PRKCE: variants seen among roughly 807,000 people sequenced by gnomAD.
PRKCE encodes protein kinase C epsilon type.
Under a neutral mutation model 85.4 loss-of-function variants are expected in PRKCE, and 16 were observed. The observed-to-expected ratio is 0.19, with a 90% CI of 0.13 to 0.28. The LOEUF (loss-of-function observed/expected upper bound fraction) is 0.28, where lower values mean the gene tolerates loss of function less well. Among genes scored for constraint, PRKCE ranks in the 10% least tolerant of loss-of-function variants. The pLI, the probability that PRKCE is intolerant of heterozygous loss-of-function variation, is 1.00. For missense variants in PRKCE, 573 were observed against 975.2 expected (o/e 0.59, Z 5.49); for synonymous variants, 388 against 371.5 (o/e 1.04, Z -0.51).
intron 10 of PRKCE, among the ~76,000 whole-genome samples, chr2:46,058,127 C>T (rs1666768681): frequency 1.3e-5 from 2 of 152,358 alleles, no homozygotes; most frequent in South Asian, 4.1e-4. Flanking sequence ...ACCTCAGGGA[C>T]CATCTAGTTC....
intron 1 of PRKCE, among the ~76,000 whole-genome samples, chr2:45,714,032 A>G (rs137882397): frequency 6.6e-6 from 1 of 152,356 alleles, no homozygotes; most frequent in Non-Finnish European, 1.5e-5. Flanking sequence ...AATTTGAGCA[A>G]TACATTTACT....
rs370644300 is a variant in PRKCE at position 46,172,238 on chromosome 2, C to G, written c.2067+12486C>G. ...CAGAAGCGCCAGGCCCTCTTTCCCC[C>G]CAGGCACTGCCAGCCTCTTGCGGGA... On this transcript the variant is annotated intron_variant, in intron 14 of 14. Transcript: ENST00000306156. Among the ~76,000 whole-genome samples, 3 of 152,354 alleles carry G rather than the reference C, an allele frequency of 2.0e-5. No homozygotes were observed. In the South Asian group the frequency reaches 6.2e-4, roughly 32 times the overall value.
chr2:45,792,107 C>T lies in PRKCE; in HGVS notation c.349-50893C>T, dbSNP rs186547080. ...GATGGCAAGCTCCAGAAGCCTGGTG[C>T]TGGCATCTGCTTGGCATCTGGTGAG... is the stretch of plus-strand genomic sequence containing the variant. On this transcript the variant is annotated intron_variant, in intron 1 of 14. Transcript: ENST00000306156. Among the ~76,000 whole-genome samples the T allele has an allele frequency of 4.6e-4, 70 of 152,314 alleles. 1 individual carries two copies. In the South Asian group the frequency reaches 6.8e-3, roughly 15 times the overall value.
At position 45,985,313 on chromosome 2, in the gene PRKCE, C is replaced by T. The variant is rs549319496; in HGVS notation, c.823+633C>T. Among the ~76,000 whole-genome samples, 3 of 152,252 alleles carry T rather than the reference C, an allele frequency of 2.0e-5. No homozygotes were observed. The East Asian group carries it at 5.8e-4, about 29-fold the overall frequency. ...TTCCTGCCGTGCCACCCGCAAACAG[C>T]GCACTCAGATGATGATGCTAAGTGG... On this transcript the variant is annotated intron_variant, in intron 6 of 14. Transcript: ENST00000306156.
intron 1 of PRKCE, among the ~76,000 whole-genome samples, chr2:45,815,820 T>A (rs563394125): frequency 2.0e-5 from 3 of 152,328 alleles, no homozygotes; most frequent in East Asian, 3.9e-4. Flanking sequence ...AGATTCTAGT[T>A]CTGCCTCAGC....
rs559664103 is a variant in PRKCE at position 45,909,644 on chromosome 2, T to C, written c.412+66581T>C. On this transcript the variant is annotated intron_variant, in intron 2 of 14. Transcript: ENST00000306156. ...AGCTAGCAAGTGTGTTCTAAATTATTCTTCCTCATCCCCTACCCCCATTCT... is the reference window on the plus strand; with the variant it reads ...AGCTAGCAAGTGTGTTCTAAATTATCCTTCCTCATCCCCTACCCCCATTCT... 5.3e-5 allele frequency among the ~76,000 whole-genome samples: 8 copies of C among 152,360 alleles called. No individual in the cohort carries two copies. In the South Asian group the frequency reaches 1.4e-3, roughly 28 times the overall value.
chr2:45,756,023 C>T (rs1301951739), intron 1 of PRKCE, among the ~76,000 whole-genome samples: 1 of 152,168 alleles, frequency 6.6e-6, no homozygotes, highest in African/African-American at 2.4e-5. Context: ...GCAGCTAATT[C>T]GCTGGGAACC....
In PRKCE at chr2:45,655,261, A is replaced by G. The variant is rs542362885; in HGVS notation, c.348+2813A>G. 1.2e-4 allele frequency among the ~76,000 whole-genome samples: 18 copies of G among 152,258 alleles called. No individual in the cohort carries two copies. In the South Asian group the frequency reaches 3.7e-3, roughly 32 times the overall value. On this transcript the variant is annotated intron_variant, in intron 1 of 14. Coordinates refer to ENST00000306156, the MANE Select transcript of PRKCE (RefSeq NM_005400.3). ...CATATACATCAAGCTTGTCTAACCC[A>G]TGGCCTGTTAGCCACATGTGGCCCG...
chr2:45,980,632 C>G (rs6705389), intron 5 of PRKCE, among the ~76,000 whole-genome samples: 3,966 of 152,276 alleles, frequency 0.026, 63 homozygotes, highest in Middle Eastern at 0.068. Context: ...CACTGAAGCC[C>G]ACAAGAAAAA....
chr2:45,868,319 CAAAA>C (rs371501864), intron 2 of PRKCE, among the ~76,000 whole-genome samples: 3 of 35,996 alleles, frequency 8.3e-5, no homozygotes, highest in African/African-American at 2.2e-4. Flanking sequence ...CTTTCCTGTC[CAAAA>C]AAAAAAAAAA....
intron 14 of PRKCE, among the ~76,000 whole-genome samples, chr2:46,180,688 A>C (rs1448220): frequency 0.96 from 146,165 of 152,340 alleles, 70,180 homozygotes; most frequent in East Asian, 1. Flanking sequence ...TATTGAGTGC[A>C]CTCTGTATGC....
intron 2 of PRKCE, among the ~76,000 whole-genome samples, chr2:45,860,400 C>T (rs1693056674): frequency 6.6e-6 from 1 of 152,118 alleles, no homozygotes; most frequent in Admixed American, 6.5e-5. Flanking sequence ...GGGAATTGTG[C>T]CTTTGGGAGC....
rs1686619697 is a variant in PRKCE, at chr2:45,786,628, T to A, written c.349-56372T>A. On this transcript the variant is annotated intron_variant, in intron 1 of 14. Transcript: ENST00000306156. This position sits in a 1 kb window ranked among gnomAD's most constrained non-coding sequence, Gnocchi z 5.3. ...AGGTTCAACTGGGAAGACAGAGTAT[T>A]TTGTATGAGATTCAGGGGTGGGAGT... is the stretch of plus-strand genomic sequence containing the variant. 6.6e-6 allele frequency among the ~76,000 whole-genome samples: 1 copy of A among 152,134 alleles called. No individual in the cohort carries two copies. The highest frequency in any genetic ancestry group is 1.5e-5 in the Non-Finnish European group (1 of 68,034).
In PRKCE at chr2:46,007,670, C is replaced by T. The variant is rs750302079; in HGVS notation, c.1263+9C>T. On this transcript the variant is annotated intron_variant, in intron 9 of 14. Transcript: ENST00000306156. ...AAGGCAGCTTTGGCAAGGTCTGTGG[C>T]ACACACGGGTGGAACTGCTGGTTTT... 2 of 1,599,104 alleles carry T rather than the reference C, an allele frequency of 1.3e-6. No homozygotes were observed. The highest frequency in any genetic ancestry group is 2.2e-5 in the East Asian group (1 of 44,860).
chr2:45,939,195 T>C (rs900178294), intron 2 of PRKCE, among the ~76,000 whole-genome samples: 3 of 152,204 alleles, frequency 2.0e-5, no homozygotes, highest in African/African-American at 7.2e-5. Context: ...ACAAGGGATA[T>C]GGGTGTGTTT....
chr2:46,163,160 T>A (rs1474747084), intron 14 of PRKCE, among the ~76,000 whole-genome samples: 6 of 152,240 alleles, frequency 3.9e-5, no homozygotes, highest in Non-Finnish European at 7.3e-5. Flanking sequence ...CTGTGCTGCA[T>A]AAGCAGAGTC....
chr2:45,780,449 T>A (rs1311124892), intron 1 of PRKCE, among the ~76,000 whole-genome samples: 3 of 152,182 alleles, frequency 2.0e-5, no homozygotes, highest in African/African-American at 7.2e-5. Context: ...GAGTTCTAGG[T>A]GCTTGAGCAG....
intron 14 of PRKCE, among the ~76,000 whole-genome samples, chr2:46,169,378 C>A (rs1287643538): frequency 6.6e-6 from 1 of 152,230 alleles, no homozygotes; most frequent in Non-Finnish European, 1.5e-5. Context: ...AGTCTCCTCA[C>A]TGTGAGAAGG....
intron 1 of PRKCE, among the ~76,000 whole-genome samples, chr2:45,796,104 C>T (rs1484090239): frequency 6.6e-6 from 1 of 152,186 alleles, no homozygotes; most frequent in East Asian, 1.9e-4. Flanking sequence ...GTAGAATGCC[C>T]TTCCCTGCTC....
Sources: allele counts gnomAD v4.1 joint callset (sites outside exome capture counted in the v4.1 genomes callset), GRCh38; gene constraint gnomAD v4.1.1; non-coding constraint Gnocchi (gnomAD v3.1); transcripts MANE v1.5; gene names NCBI Gene and HGNC (gene_info 2026-07-23, HGNC 2026-07-21).